Variants in CDS1 observed in about 807,000 individuals in gnomAD.
CDS1 encodes CDP-diacylglycerol synthase 1, also known as phosphatidate cytidylyltransferase 1.
In CDS1, 41 loss-of-function variants were observed where a neutral mutation model predicts 62.1. The observed-to-expected ratio is 0.66, with a 90% CI of 0.51 to 0.86. The LOEUF (loss-of-function observed/expected upper bound fraction) is 0.86. CDS1 is among the 40% of genes least tolerant of loss of function. The pLI, the probability that CDS1 is intolerant of heterozygous loss-of-function variation, is 0.00. For missense variants in CDS1, 470 were observed against 550.1 expected, an observed-to-expected ratio of 0.85 and a Z score of 1.46; for synonymous variants, 185 against 192.6, an observed-to-expected ratio of 0.96 and a Z score of 0.32.
intron 9 of CDS1, 25 bp downstream of exon 9, chr4:84,639,017 T>G (rs766945514): frequency 8.2e-7 from 1 of 1,225,224 alleles, no homozygotes; most frequent in Admixed American, 2.4e-5. Flanking sequence ...GATTTTTATT[T>G]TGTATACATT....
intron 1 of CDS1, among the ~76,000 whole-genome samples, chr4:84,593,461 C>T (rs1236608632): frequency 6.6e-6 from 1 of 151,982 alleles, no homozygotes; most frequent in Non-Finnish European, 1.5e-5. Context: ...ATTCAAGTTG[C>T]CCTGAGTATA....
intron 2 of CDS1, among the ~76,000 whole-genome samples, chr4:84,607,291 T>C (rs188133087): frequency 6.6e-6 from 1 of 152,186 alleles, no homozygotes; most frequent in Non-Finnish European, 1.5e-5. Flanking sequence ...TGTAATCTTT[T>C]TTTTTTTTAA....
At chr4:84,606,328 G>A (rs1723094542) in intron 2 of CDS1, among the ~76,000 whole-genome samples, 1 of 151,616 alleles carries the variant, frequency 6.6e-6, no homozygotes, top group Non-Finnish European at 1.5e-5. Context: ...GTGTGTGTGT[G>A]TGTATGTGTG....
intron 1 of CDS1, among the ~76,000 whole-genome samples, chr4:84,601,931 A>C (rs1188900359): frequency 1.5e-5 from 2 of 131,678 alleles, no homozygotes; most frequent in African/African-American, 5.6e-5. Context: ...AAATACATAC[A>C]TGCATACATA....
chr4:84,584,320 A>T (rs1722349006), intron 1 of CDS1, among the ~76,000 whole-genome samples: 1 of 152,180 alleles, frequency 6.6e-6, no homozygotes, highest in South Asian at 2.1e-4. Context: ...CAGTTTTATG[A>T]TCTTATGGAC....
At chr4:84,619,041 TTA>T (rs951167951) in intron 4 of CDS1, among the ~76,000 whole-genome samples, 4 of 92,550 alleles carry the variant, frequency 4.3e-5, no homozygotes, top group East Asian at 7.5e-4. Context: ...AGTATTAAAT[TTA>T]TACACACACA....
intron 11 of CDS1, among the ~76,000 whole-genome samples, chr4:84,643,421 C>A (rs936838897): frequency 6.6e-6 from 1 of 152,126 alleles, no homozygotes; most frequent in Non-Finnish European, 1.5e-5. Context: ...GAATCTTGGT[C>A]TTTCAAGTGC....
chr4:84,633,587 T>G (rs1415090431), intron 6 of CDS1, among the ~76,000 whole-genome samples: 1 of 152,226 alleles, frequency 6.6e-6, no homozygotes, highest in African/African-American at 2.4e-5. Flanking sequence ...TGGTTTATTT[T>G]TTATATGTTT....
In CDS1 at chr4:84,631,855, A is replaced by C. The variant is rs747491269; in HGVS notation, c.617A>C (p.His206Pro). The C allele has an allele frequency of 6.2e-7, 1 of 1,611,490 alleles. No homozygotes were observed. Among genetic ancestry groups the C allele is most frequent in the South Asian group, 1.1e-5 (1 of 91,018 alleles). Residue 206 changes from histidine (H) to proline (P), a missense_variant, in exon 6 of 13, where the codon CAT becomes CCT. His to Pro is a moderately conservative substitution (Grantham distance 77, BLOSUM62 -2). This residue lies in a region of CDS1 where 214 missense variants were observed against 242.4 expected (regional missense o/e 0.88). Transcript: ENST00000295887. ...TTTGTACTGAGTTTGGTGAAGAAAC[A>C]TTATCGTCTGCAGTTTTATATGGTG... ...CMFVLSLVKK[H>P]YRLQFYMFAW... is the part of the protein sequence containing the mutation.
chr4:84,601,963 G>A (rs1230690221), intron 1 of CDS1, among the ~76,000 whole-genome samples: 2 of 151,898 alleles, frequency 1.3e-5, no homozygotes, highest in African/African-American at 2.4e-5. Context: ...ACATACGTAC[G>A]TACATACATA....
chr4:84,635,625 GCCTTCCTTCCTTCCTTCCTTCCTTCCTT>G (rs869210567), intron 8 of CDS1, among the ~76,000 whole-genome samples: 1 of 53,514 alleles, frequency 1.9e-5, no homozygotes. Flanking sequence ...CTGCCTGCCT[GCCTTCCTTCCTTCCTTCCTTCCTTCCTT>G]CCTTCCTTCC....
chr4:84,635,477 A>G (rs1222232453), intron 8 of CDS1, 126 bp downstream of exon 8: 2 of 717,870 alleles, frequency 2.8e-6, no homozygotes, highest in South Asian at 3.0e-5. Context: ...CCTTAGCTGC[A>G]TGGTGCAGAA....
intron 8 of CDS1, among the ~76,000 whole-genome samples, chr4:84,638,684 C>G (rs1724289559): frequency 6.6e-6 from 1 of 151,988 alleles, no homozygotes; most frequent in South Asian, 2.1e-4. Flanking sequence ...TGAACAAACA[C>G]ATATTCACAG....
At chr4:84,589,937 C>A (rs546919334) in intron 1 of CDS1, among the ~76,000 whole-genome samples, 2 of 152,098 alleles carry the variant, frequency 1.3e-5, no homozygotes, top group East Asian at 1.9e-4. Context: ...CAGCCTCCGA[C>A]GTAGCTGGGA....
At chr4:84,585,485 T>G (rs1722385395) in intron 1 of CDS1, among the ~76,000 whole-genome samples, 1 of 152,204 alleles carries the variant, frequency 6.6e-6, no homozygotes, top group South Asian at 2.1e-4. Context: ...TATTTCCAGG[T>G]CAAGGGCTAT....
In CDS1 at chr4:84,583,892, C is replaced by T. The variant is rs190212615; in HGVS notation, c.117+374C>T. Among the ~76,000 whole-genome samples, 35 of 152,290 alleles carry T rather than the reference C, an allele frequency of 2.3e-4. No individual in the cohort carries two copies. In the East Asian group the frequency reaches 6.2e-3, roughly 27 times the overall value. On this transcript the variant is annotated intron_variant, in intron 1 of 12. Transcript: ENST00000295887. ...GTAGCTGCCACCTCACCTCTCTTTT[C>T]AGTAGAGGGAACAAAGTTAGTAAGG...
intron 3 of CDS1, among the ~76,000 whole-genome samples, chr4:84,611,607 C>T (rs55770737): frequency 3.3e-5 from 5 of 152,318 alleles, no homozygotes; most frequent in Non-Finnish European, 7.3e-5. Context: ...ACCTCAAAGC[C>T]TCTTTCACTT....
Position 84,586,549 on chromosome 4 carries a change from G to A in CDS1, c.117+3031G>A, listed in dbSNP as rs531970893. On this transcript the variant is annotated intron_variant, in intron 1 of 12. Coordinates refer to ENST00000295887, the MANE Select transcript of CDS1 (RefSeq NM_001263.4). ...ATCTGACAGGAGGCAGCGCTCGGTG[G>A]TAATGCGAGTGATGGGGTGTGGCTG... Among the ~76,000 whole-genome samples, 13 of 152,248 alleles carry A rather than the reference G, an allele frequency of 8.5e-5. No homozygotes were observed. In the South Asian group the frequency reaches 1.2e-3, roughly 15 times the overall value.
intron 3 of CDS1, among the ~76,000 whole-genome samples, chr4:84,612,004 A>C (rs2110054848): frequency 6.6e-6 from 1 of 152,118 alleles, no homozygotes; most frequent in African/African-American, 2.4e-5. Context: ...GGACCAAGTG[A>C]GAGCAAGGAG....
Sources: allele counts gnomAD v4.1 joint callset (sites outside exome capture counted in the v4.1 genomes callset), GRCh38; gene constraint gnomAD v4.1.1; regional missense constraint gnomAD v4.1.1; transcripts MANE v1.5; gene names NCBI Gene and HGNC (gene_info 2026-07-23, HGNC 2026-07-21).